LARGE1: variants seen among roughly 807,000 people sequenced by gnomAD.
LARGE1 encodes LARGE xylosyl- and glucuronyltransferase 1, also known as xylosyl- and glucuronyltransferase LARGE1.
A neutral mutation model predicts 87.6 loss-of-function variants in LARGE1; 43 were observed. The observed-to-expected ratio is 0.49, with a 90% confidence interval of 0.38 to 0.63. The LOEUF is 0.63. Among genes scored for constraint, LARGE1 ranks in the 30% least tolerant of loss-of-function variants. LARGE1 has a pLI of 0.00. For missense variants in LARGE1, 802 were observed against 1,000.2 expected, an observed-to-expected ratio of 0.80 and a Z score of 2.67; for synonymous variants, 434 against 394.6, an observed-to-expected ratio of 1.10 and a Z score of -1.18.
intron 2 of LARGE1, among the ~76,000 whole-genome samples, chr22:33,742,399 C>T (rs1484745272): frequency 6.6e-6 from 1 of 152,182 alleles, no homozygotes; most frequent in East Asian, 1.9e-4. Context: ...ATAAAGGAGG[C>T]GATCACTCAC....
chr22:33,314,505 C>T (rs1935942751), intron 11 of LARGE1, among the ~76,000 whole-genome samples: 1 of 152,192 alleles, frequency 6.6e-6, no homozygotes, highest in South Asian at 2.1e-4. Context: ...GTTCTTTCAT[C>T]AGTTTGTCCA....
intron 2 of LARGE1, among the ~76,000 whole-genome samples, chr22:33,702,769 T>A (rs1569386745): frequency 6.6e-6 from 1 of 152,014 alleles, no homozygotes; most frequent in East Asian, 1.9e-4. Context: ...GCAAGAAAAA[T>A]AAACCTATAA....
intron 9 of LARGE1, among the ~76,000 whole-genome samples, chr22:33,343,048 C>T (rs543095668): frequency 6.6e-6 from 1 of 152,264 alleles, no homozygotes; most frequent in South Asian, 2.1e-4. Context: ...ACTGCAATTA[C>T]TTTTGCACCA....
the LARGE1 span, among the ~76,000 whole-genome samples, chr22:33,082,082 T>C: frequency 6.6e-6 from 1 of 152,124 alleles, no homozygotes; most frequent in Non-Finnish European, 1.5e-5. Context: ...TTTTAATTAT[T>C]TGGTGGAGGC....
chr22:33,200,290 A>G (rs1280262546), intron 11 of LARGE1, among the ~76,000 whole-genome samples: 6 of 152,238 alleles, frequency 3.9e-5, no homozygotes, highest in Non-Finnish European at 5.9e-5. Context: ...ATAAATCACA[A>G]TGAGATATTA....
chr22:33,348,612 T>C (rs866978818), intron 9 of LARGE1, among the ~76,000 whole-genome samples: 1 of 152,054 alleles, frequency 6.6e-6, no homozygotes, highest in Non-Finnish European at 1.5e-5. Flanking sequence ...TCTGAATCAG[T>C]GGACTCAGCA....
At chr22:33,627,056 C>T (rs1427190151) in intron 3 of LARGE1, among the ~76,000 whole-genome samples, 1 of 152,230 alleles carries the variant, frequency 6.6e-6, no homozygotes, top group East Asian at 1.9e-4. Context: ...CACCACACTA[C>T]ATTCCAATGA....
intron 2 of LARGE1, among the ~76,000 whole-genome samples, chr22:33,692,346 T>C (rs965088398): frequency 1.3e-5 from 2 of 152,204 alleles, no homozygotes; most frequent in Admixed American, 6.5e-5. Flanking sequence ...AGTTTTGCTC[T>C]GTCACCCAGG....
At chr22:33,505,509 C>T (rs1292100131) in intron 6 of LARGE1, among the ~76,000 whole-genome samples, 2 of 152,178 alleles carry the variant, frequency 1.3e-5, no homozygotes, top group African/African-American at 4.8e-5. Context: ...ATTATAGATG[C>T]CTCACACATC....
chr22:33,248,800 T>A (rs546282536), intron 11 of LARGE1, among the ~76,000 whole-genome samples: 3 of 152,212 alleles, frequency 2.0e-5, no homozygotes, highest in Non-Finnish European at 4.4e-5. Flanking sequence ...GTTGGAATCA[T>A]ACAGTGCACA....
chr22:33,503,723 C>T (rs571443573), intron 6 of LARGE1, among the ~76,000 whole-genome samples: 1 of 151,006 alleles, frequency 6.6e-6, no homozygotes, highest in East Asian at 2.0e-4. Flanking sequence ...TGCTTGAACC[C>T]GGGAGGTGGA....
intron 12 of LARGE1, among the ~76,000 whole-genome samples, chr22:33,296,551 C>T (rs935422749): frequency 2.0e-5 from 3 of 150,394 alleles, no homozygotes; most frequent in African/African-American, 7.4e-5. Context: ...GCCAGTTATC[C>T]TTTTTCTTTT....
intron 2 of LARGE1, among the ~76,000 whole-genome samples, chr22:33,718,473 G>A (rs939324958): frequency 2.6e-5 from 4 of 152,258 alleles, no homozygotes; most frequent in South Asian, 2.1e-4. Context: ...TAATGAATGT[G>A]CTGAATGGAC....
chr22:33,631,795 C>T (rs1039952189), intron 3 of LARGE1, among the ~76,000 whole-genome samples: 4 of 152,216 alleles, frequency 2.6e-5, no homozygotes, highest in African/African-American at 9.6e-5. Context: ...CATAATTGCG[C>T]TATAGTTTTA....
chr22:33,546,785 C>T (rs940375828), intron 6 of LARGE1, among the ~76,000 whole-genome samples: 11 of 152,176 alleles, frequency 7.2e-5, no homozygotes, highest in South Asian at 6.2e-4. Flanking sequence ...GGTTTCACAA[C>T]GGTGGCCAGG....
At chr22:33,833,808 C>T (rs1400946162) in intron 1 of LARGE1, among the ~76,000 whole-genome samples, 1 of 152,218 alleles carries the variant, frequency 6.6e-6, no homozygotes, top group African/African-American at 2.4e-5. Flanking sequence ...CTGCCTCAGC[C>T]TCCCAAGTAG....
At chr22:33,225,231 C>T (rs1302045986) in intron 11 of LARGE1, among the ~76,000 whole-genome samples, 2 of 152,166 alleles carry the variant, frequency 1.3e-5, no homozygotes, top group Non-Finnish European at 2.9e-5. Context: ...GTCTGCTTGG[C>T]AAAGCGGTTG....
At chr22:33,772,598 A>C (rs2085105013) in intron 1 of LARGE1, among the ~76,000 whole-genome samples, 1 of 152,056 alleles carries the variant, frequency 6.6e-6, no homozygotes. Flanking sequence ...GAATGCTGTC[A>C]ACTCAGAGAA....
intron 1 of LARGE1, among the ~76,000 whole-genome samples, chr22:33,907,597 C>T (rs916315402): frequency 6.6e-6 from 1 of 151,120 alleles, no homozygotes; most frequent in Non-Finnish European, 1.5e-5. Flanking sequence ...CAGAGTCTCG[C>T]TCTGTCACCC....
Sources: allele counts gnomAD v4.1 joint callset (sites outside exome capture counted in the v4.1 genomes callset), GRCh38; gene constraint gnomAD v4.1.1; transcripts MANE v1.5; gene names NCBI Gene and HGNC (gene_info 2026-07-23, HGNC 2026-07-21).